The following CNTNAP2 variants were observed in gnomAD, a reference collection of about 807,000 sequenced individuals.
CNTNAP2 encodes contactin-associated protein-like 2.
In CNTNAP2, 98 loss-of-function variants were observed where a neutral mutation model predicts 155.2. The observed-to-expected ratio is 0.63, with a 90% CI of 0.54 to 0.75. CNTNAP2 has a LOEUF of 0.75. Ranked by LOEUF, CNTNAP2 falls within the 30% of genes least tolerant of loss-of-function variation. The pLI is 0.00. For synonymous variants in CNTNAP2, 651 were observed against 631.2 expected, an observed-to-expected ratio of 1.03 and a Z score of -0.47; for missense variants, 1,727 against 1,688.1, an observed-to-expected ratio of 1.02 and a Z score of -0.40.
At chr7:146,980,172 A>T (rs989170464) in intron 3 of CNTNAP2, among the ~76,000 whole-genome samples, 2 of 151,956 alleles carry the variant, frequency 1.3e-5, no homozygotes, top group African/African-American at 4.8e-5. Flanking sequence ...ATTAATAGGA[A>T]ATCAGGTGGA....
At chr7:147,211,923 A>G (rs1484554478) in intron 8 of CNTNAP2, among the ~76,000 whole-genome samples, 6 of 152,032 alleles carry the variant, frequency 3.9e-5, no homozygotes, top group Non-Finnish European at 7.4e-5. Flanking sequence ...AACCCCATTA[A>G]AAAGTGGACA....
At chr7:146,577,559 A>G (rs1412508833) in intron 1 of CNTNAP2, among the ~76,000 whole-genome samples, 1 of 152,100 alleles carries the variant, frequency 6.6e-6, no homozygotes, top group Non-Finnish European at 1.5e-5. Context: ...ATTTTAAAAT[A>G]CGTATTCAGG....
intron 18 of CNTNAP2, among the ~76,000 whole-genome samples, chr7:148,202,442 G>A (rs1019590067): frequency 1.7e-4 from 26 of 152,144 alleles, no homozygotes; most frequent in Non-Finnish European, 5.9e-5. Context: ...GATTTTATGT[G>A]TACGGAGACA....
At chr7:147,054,273 C>A (rs906067937) in intron 4 of CNTNAP2, among the ~76,000 whole-genome samples, 10 of 152,116 alleles carry the variant, frequency 6.6e-5, no homozygotes, top group African/African-American at 2.4e-4. Flanking sequence ...GTGCATTCTA[C>A]ATGTCCAGCA....
intron 17 of CNTNAP2, among the ~76,000 whole-genome samples, chr7:148,167,603 C>A (rs1805693110): frequency 6.6e-6 from 1 of 152,096 alleles, no homozygotes; most frequent in Non-Finnish European, 1.5e-5. Context: ...AAGACACAGG[C>A]CCAGAGGGAG....
chr7:147,457,477 G>A (rs1797936453), intron 10 of CNTNAP2, among the ~76,000 whole-genome samples: 1 of 148,720 alleles, frequency 6.7e-6, no homozygotes, highest in Admixed American at 6.9e-5. Context: ...GAACCTTGCT[G>A]TATTTCCCAC....
At chr7:147,268,291 G>T (rs1489550988) in intron 8 of CNTNAP2, among the ~76,000 whole-genome samples, 1 of 151,994 alleles carries the variant, frequency 6.6e-6, no homozygotes, top group Non-Finnish European at 1.5e-5. Flanking sequence ...TACAGATAAT[G>T]ACCAAATTTA....
intron 13 of CNTNAP2, among the ~76,000 whole-genome samples, chr7:147,878,109 T>C (rs1799454525): frequency 6.6e-6 from 1 of 151,394 alleles, no homozygotes; most frequent in African/African-American, 2.4e-5. Flanking sequence ...TTTAGGTATG[T>C]TTTTCAGTGG....
At chr7:148,014,071 T>A (rs772404150) in intron 15 of CNTNAP2, 4 of 152,142 alleles carry the variant, frequency 2.6e-5, no homozygotes, top group Non-Finnish European at 5.9e-5. Flanking sequence ...TTTCTTTCAG[T>A]TGGTGTTAAA....
At chr7:146,989,769 C>A (rs1165453269) in intron 3 of CNTNAP2, among the ~76,000 whole-genome samples, 1 of 152,036 alleles carries the variant, frequency 6.6e-6, no homozygotes, top group Admixed American at 6.6e-5. Context: ...CCATAATTAG[C>A]CCGTTTAGTA....
At chr7:148,313,760 G>A (rs561431340) in intron 21 of CNTNAP2, among the ~76,000 whole-genome samples, 17 of 152,232 alleles carry the variant, frequency 1.1e-4, no homozygotes, top group Non-Finnish European at 1.8e-4. Flanking sequence ...ATTTAATGTC[G>A]GGAGCAGATT....
rs528758784 is a variant in CNTNAP2 at position 146,619,682 on chromosome 7, A to G, written c.98-154589A>G. Among the ~76,000 whole-genome samples, 4 of 152,304 alleles carry G rather than the reference A, an allele frequency of 2.6e-5. No individual in the cohort carries two copies. The South Asian group carries it at 8.3e-4, about 32-fold the overall frequency. Reference sequence around the variant, plus strand: ...CTTCTGACCTCAAGCGTGTGAAACAAGTGGGTATGTAAGGAGAGATCACAT... The same window carrying G: ...CTTCTGACCTCAAGCGTGTGAAACAGGTGGGTATGTAAGGAGAGATCACAT... On this transcript the variant is annotated intron_variant, in intron 1 of 23. Transcript: ENST00000361727.
chr7:146,257,545 T>C (rs1020433876), intron 1 of CNTNAP2, among the ~76,000 whole-genome samples: 5 of 152,180 alleles, frequency 3.3e-5, no homozygotes, highest in Admixed American at 6.5e-5. Flanking sequence ...AGGAATAAAA[T>C]GGGATTGGCC....
intron 10 of CNTNAP2, among the ~76,000 whole-genome samples, chr7:147,396,408 A>G (rs1403950612): frequency 2.0e-5 from 3 of 151,890 alleles, no homozygotes; most frequent in African/African-American, 7.2e-5. Context: ...TCTGAAAGAA[A>G]AGGAATATTA....
chr7:146,976,561 G>A (rs1237038345), intron 3 of CNTNAP2, among the ~76,000 whole-genome samples: 1 of 152,134 alleles, frequency 6.6e-6, no homozygotes, highest in African/African-American at 2.4e-5. Flanking sequence ...TATGACAAAG[G>A]ATACAGATGA....
chr7:148,169,135 C>T (rs1805728365), intron 17 of CNTNAP2, among the ~76,000 whole-genome samples: 4 of 152,156 alleles, frequency 2.6e-5, no homozygotes, highest in Admixed American at 2.6e-4. Context: ...AATATATTCT[C>T]TTGTATTCCC....
chr7:146,729,247 A>G (rs1801483832), intron 1 of CNTNAP2, among the ~76,000 whole-genome samples: 1 of 152,164 alleles, frequency 6.6e-6, no homozygotes, highest in South Asian at 2.1e-4. Context: ...GCTGACCCAT[A>G]CACATATACT....
At chr7:147,507,267 G>A (rs1450715300) in intron 11 of CNTNAP2, among the ~76,000 whole-genome samples, 1 of 152,140 alleles carries the variant, frequency 6.6e-6, no homozygotes, top group African/African-American at 2.4e-5. Flanking sequence ...AGATAAGAAT[G>A]CAGGGGTATG....
At chr7:147,970,666 C>G (rs1801316791) in intron 14 of CNTNAP2, among the ~76,000 whole-genome samples, 1 of 152,154 alleles carries the variant, frequency 6.6e-6, no homozygotes, top group East Asian at 1.9e-4. Context: ...AGAAGCCATC[C>G]TTGAGATGCA....
Sources: allele counts gnomAD v4.1 joint callset (sites outside exome capture counted in the v4.1 genomes callset), GRCh38; gene constraint gnomAD v4.1.1; transcripts MANE v1.5; gene names NCBI Gene and HGNC (gene_info 2026-07-23, HGNC 2026-07-21).